The following ITGA11 variants were observed in gnomAD, a reference collection of about 807,000 sequenced individuals.
The protein encoded by ITGA11 is integrin alpha-11.
ITGA11 carries 97 observed loss-of-function variants against 141.9 expected under a neutral mutation model. The ratio of observed to expected loss-of-function variants is 0.68; its 90% CI spans 0.58 to 0.81. The LOEUF is 0.81. Ranked by LOEUF, ITGA11 falls within the 30% of genes least tolerant of loss-of-function variation. The pLI is 0.00. For missense variants in ITGA11, 1,387 were observed against 1,559.2 expected, an observed-to-expected ratio of 0.89 and a Z score of 1.86; for synonymous variants, 658 against 624.6, an observed-to-expected ratio of 1.05 and a Z score of -0.80.
At chr15:68,413,362 C>T (rs1896820757) in intron 1 of ITGA11, among the ~76,000 whole-genome samples, 1 of 152,132 alleles carries the variant, frequency 6.6e-6, no homozygotes, top group Non-Finnish European at 1.5e-5. Flanking sequence ...CCTCTATGGC[C>T]CTTCAGTTCA....
chr15:68,419,182 G>A (rs2140434371), intron 1 of ITGA11, among the ~76,000 whole-genome samples: 1 of 152,256 alleles, frequency 6.6e-6, no homozygotes, highest in East Asian at 1.9e-4. Context: ...CGGACTTTGG[G>A]GAGTGGAAGT....
chr15:68,318,530 G>A (rs1380946169), intron 20 of ITGA11, among the ~76,000 whole-genome samples: 2 of 152,186 alleles, frequency 1.3e-5, no homozygotes, highest in Non-Finnish European at 2.9e-5. Flanking sequence ...AGAGGGAGTG[G>A]GATTGGGGCC....
At position 68,355,787 on chromosome 15, in the gene ITGA11, C is replaced by T. The variant is rs181731129; in HGVS notation, c.749+1364G>A. On this transcript the variant is annotated intron_variant, in intron 7 of 29. Coordinates refer to ENST00000315757, the MANE Select transcript of ITGA11 (RefSeq NM_001004439.2). ...TTGTGGATTTTTTTTTTAAAAAACA[C>T]GTCAACTAACCCTACCTAAGGTGGG... Among the ~76,000 whole-genome samples the T allele has an allele frequency of 1.2e-3, 179 of 151,492 alleles. 3 individuals carry two copies. Among genetic ancestry groups the T allele is most frequent in the Admixed American group, 0.011 (174 of 15,218 alleles).
rs1893840288 is a variant in ITGA11, at chr15:68,322,357, G to A, written c.2323-854C>T. ...AGTGAGAAGATGGAGGCTCGAGGCA[G>A]GGAGACCATTGAGGAGGCTGCCACA... On this transcript the variant is annotated intron_variant, in intron 18 of 29. Coordinates refer to ENST00000315757, the MANE Select transcript of ITGA11 (RefSeq NM_001004439.2). The surrounding 1 kb of genome is among the most constrained non-coding windows in gnomAD (Gnocchi z 5.6). Among the ~76,000 whole-genome samples the A allele has an allele frequency of 6.6e-6, 1 of 152,142 alleles. No homozygotes were observed. The highest frequency in any genetic ancestry group is 2.4e-5 in the African/African-American group (1 of 41,432).
intron 22 of ITGA11, among the ~76,000 whole-genome samples, chr15:68,314,847 C>CGT (rs1893516341): frequency 6.6e-6 from 1 of 152,122 alleles, no homozygotes; most frequent in Non-Finnish European, 1.5e-5. Flanking sequence ...CTGACCTGCA[C>CGT]GTGTGTGTGC....
rs1311726680 is a variant in ITGA11 at position 68,299,854 on chromosome 15, A to G, written c.*3205T>C. ...CTTCCACATGTCCCTAGGCAGAGCT[A>G]TTCCATAGTGTCTCCATTGTGTTTG... On this transcript the variant is annotated 3_prime_UTR_variant, in exon 30 of 30. Transcript: ENST00000315757. 6.6e-6 allele frequency: 1 copy of G among 152,226 alleles called. No individual in the cohort carries two copies. 9.4% of individuals were successfully genotyped at this position (152,226 alleles called of 1,614,324 possible).
intron 2 of ITGA11, among the ~76,000 whole-genome samples, chr15:68,400,669 ATATTATATAATAAATATT>A (rs1896459158): frequency 1.6e-5 from 1 of 61,244 alleles, no homozygotes; most frequent in African/African-American, 8.1e-5. Context: ...AATATATTAT[ATATTATATAATAAATATT>A]ATATTATATA....
chr15:68,400,718 ATTATATAATAAATAT>A (rs1896465711), intron 2 of ITGA11, among the ~76,000 whole-genome samples: 6 of 22,954 alleles, frequency 2.6e-4, no homozygotes, highest in African/African-American at 1.4e-3. Flanking sequence ...AATATTATAT[ATTATATAATAAATAT>A]TATATATTAT....
intron 14 of ITGA11, 86 bp downstream of exon 14, chr15:68,331,773 G>T (rs1038491889): frequency 2.0e-5 from 24 of 1,176,718 alleles, no homozygotes; most frequent in Middle Eastern, 2.3e-4. Flanking sequence ...AGAAAATCCT[G>T]AACCAGATGA....
At chr15:68,424,541 T>A (rs1897095349) in intron 1 of ITGA11, among the ~76,000 whole-genome samples, 1 of 152,142 alleles carries the variant, frequency 6.6e-6, no homozygotes, top group African/African-American at 2.4e-5. Flanking sequence ...CACGACAGTT[T>A]TCTTCTACAT....
chr15:68,334,135 G>T (rs1300498061), intron 12 of ITGA11, among the ~76,000 whole-genome samples: 1 of 152,198 alleles, frequency 6.6e-6, no homozygotes, highest in Non-Finnish European at 1.5e-5. Flanking sequence ...CCTCATGAGG[G>T]CAGGCATTGA....
intron 10 of ITGA11, among the ~76,000 whole-genome samples, chr15:68,343,512 A>C (rs934397594): frequency 2.0e-5 from 3 of 152,190 alleles, no homozygotes; most frequent in Non-Finnish European, 4.4e-5. Context: ...CCTCTTGCCC[A>C]GTAGTCACGG....
At chr15:68,419,808 G>GTC (rs1318635866) in intron 1 of ITGA11, among the ~76,000 whole-genome samples, 1 of 152,240 alleles carries the variant, frequency 6.6e-6, no homozygotes, top group Non-Finnish European at 1.5e-5. Context: ...CAGAATTGCA[G>GTC]TCTCTCGAGT....
rs189642447 is a variant in ITGA11, at chr15:68,389,812, G to C, written c.164+13106C>G. ...AGGCTTCTCTTCTCTCCTCTCCAGG[G>C]GTGAGAGCTTCAGTGAAAAATGGGA... On this transcript the variant is annotated intron_variant, in intron 2 of 29. Transcript: ENST00000315757. Among the ~76,000 whole-genome samples, 37 of 152,232 alleles carry C rather than the reference G, an allele frequency of 2.4e-4. No homozygotes were observed. In the East Asian group the frequency reaches 7.0e-3, roughly 29 times the overall value.
Position 68,302,928 on chromosome 15 carries a change from G to A in ITGA11, c.*131C>T, listed in dbSNP as rs774826596. 6 of 677,574 alleles carry A rather than the reference G, an allele frequency of 8.9e-6. No individual in the cohort carries two copies. The highest frequency in any genetic ancestry group is 3.9e-5 in the South Asian group (2 of 51,190). 42.0% of individuals were successfully genotyped at this position (677,574 alleles called of 1,614,324 possible). A position where few individuals can be genotyped will look rare whatever the true frequency, so the allele number is the denominator to read the frequency against. ...CTGGAGGGAGCAGGCGCCATTGCTC[G>A]GGAGATGAGGTCAAGTGCAAAGCCA... On this transcript the variant is annotated 3_prime_UTR_variant, in exon 30 of 30. Transcript: ENST00000315757.
chr15:68,307,758 A>G lies in ITGA11; in HGVS notation c.3175-62T>C, dbSNP rs1893249929. On this transcript the variant is annotated intron_variant, in intron 26 of 29. Transcript: ENST00000315757. This position sits in a 1 kb window ranked among gnomAD's most constrained non-coding sequence, Gnocchi z 6.1. ...GGCTAGGGGAGCAGGGGGCAGCAAC[A>G]CTGCTTGAACGACTGGGGCTCTGCT... The G allele has an allele frequency of 4.5e-6, 5 of 1,121,176 alleles. No individual in the cohort carries two copies. The African/African-American group carries it at 6.1e-5, about 14-fold the overall frequency. 69.5% of individuals were successfully genotyped at this position (1,121,176 alleles called of 1,614,324 possible).
chr15:68,403,119 A>G (rs1896552034), intron 1 of ITGA11, 90 bp from the exon 2 acceptor site: 1 of 819,500 alleles, frequency 1.2e-6, no homozygotes. Flanking sequence ...TTGGCAGGTC[A>G]TGAACCTTGG....
chr15:68,332,081 A>C lies in ITGA11; in HGVS notation c.1567-19T>G. 6.4e-7 allele frequency: 1 copy of C among 1,568,600 alleles called. No homozygotes were observed. Among genetic ancestry groups the C allele is most frequent in the Non-Finnish European group, 8.7e-7 (1 of 1,154,402 alleles). On this transcript the variant is annotated intron_variant, in intron 13 of 29. Coordinates refer to ENST00000315757, the MANE Select transcript of ITGA11 (RefSeq NM_001004439.2). ...ACAGGTTCTGCAAAACCAGGGGCAG[A>C]AAAAGGCTGGGGAGGGTTTGGCAAA...
chr15:68,376,476 T>C (rs1488733777), intron 2 of ITGA11, among the ~76,000 whole-genome samples: 1 of 152,260 alleles, frequency 6.6e-6, no homozygotes, highest in Non-Finnish European at 1.5e-5. Flanking sequence ...AGGATCTTGC[T>C]GGTCAGGTGG....
Sources: gnomAD v4.1 joint callset for allele counts (sites outside exome capture counted in the v4.1 genomes callset) on GRCh38, gnomAD v4.1.1 for gene constraint, Gnocchi (gnomAD v3.1) non-coding constraint, MANE v1.5 for transcripts, NCBI Gene and HGNC (gene_info 2026-07-23, HGNC 2026-07-21) for gene names.